Variants in DCBLD2 observed in about 807,000 individuals in gnomAD.
DCBLD2 encodes discoidin, CUB and LCCL domain containing 2.
In DCBLD2, 54 loss-of-function variants were observed where a neutral mutation model predicts 86.8. That is an observed-to-expected ratio of 0.62 (90% CI 0.50 to 0.78). The LOEUF is 0.78. Among genes scored for constraint, DCBLD2 ranks in the 30% least tolerant of loss-of-function variants. The pLI is 0.00. For synonymous variants in DCBLD2, 354 were observed against 341.3 expected (o/e 1.04, Z -0.41); for missense variants, 908 against 954.2 (o/e 0.95, Z 0.64).
chr3:98,833,871 C>T (rs1221575022), intron 3 of DCBLD2, among the ~76,000 whole-genome samples: 1 of 152,224 alleles, frequency 6.6e-6, no homozygotes, highest in Non-Finnish European at 1.5e-5. Flanking sequence ...CTGCTACTGG[C>T]TCCAAAGTCC....
intron 1 of DCBLD2, among the ~76,000 whole-genome samples, chr3:98,894,922 G>A (rs188932763): frequency 1.3e-5 from 2 of 152,252 alleles, no homozygotes; most frequent in East Asian, 3.9e-4. Context: ...AGTGTGGAAT[G>A]TATTATCCGG....
chr3:98,836,614 C>T (rs1462972092), intron 3 of DCBLD2, among the ~76,000 whole-genome samples: 3 of 143,728 alleles, frequency 2.1e-5, no homozygotes, highest in Non-Finnish European at 3.1e-5. Context: ...TTGGGCACAC[C>T]TCCCAGACGG....
intron 2 of DCBLD2, among the ~76,000 whole-genome samples, chr3:98,863,536 C>T (rs370326835): frequency 1.3e-5 from 2 of 152,262 alleles, no homozygotes; most frequent in East Asian, 3.9e-4. Context: ...TGGAACAGAA[C>T]AGAGCCCTCA....
At chr3:98,890,220 A>T (rs1342374479) in intron 1 of DCBLD2, among the ~76,000 whole-genome samples, 1 of 152,066 alleles carries the variant, frequency 6.6e-6, no homozygotes, top group Non-Finnish European at 1.5e-5. Context: ...TTCTGGAGTT[A>T]GGGTGGGCCC....
intron 3 of DCBLD2, among the ~76,000 whole-genome samples, chr3:98,839,180 C>CTTTTCT (rs1446480092): frequency 7.1e-5 from 2 of 28,192 alleles, no homozygotes; most frequent in African/African-American, 4.4e-4. Context: ...TCCTTTCTTT[C>CTTTTCT]TTCCTTCCTT....
intron 8 of DCBLD2, 121 bp from the exon 9 acceptor site, chr3:98,818,014 A>G (rs1257652645): frequency 2.4e-6 from 3 of 1,246,550 alleles, no homozygotes; most frequent in Non-Finnish European, 3.3e-6. Context: ...GCTCATTTCC[A>G]TATCCAAGTG....
intron 2 of DCBLD2, among the ~76,000 whole-genome samples, chr3:98,880,975 G>C (rs1285426708): frequency 6.6e-6 from 1 of 152,138 alleles, no homozygotes; most frequent in Non-Finnish European, 1.5e-5. Context: ...TGGGTGCAGT[G>C]GTTTACGCCT....
chr3:98,817,093 A>G (rs1942035838), intron 9 of DCBLD2, among the ~76,000 whole-genome samples: 1 of 152,312 alleles, frequency 6.6e-6, no homozygotes, highest in South Asian at 2.1e-4. Context: ...GATGGGAGAC[A>G]TCTATCTTCC....
At chr3:98,850,355 C>T (rs76728260) in intron 2 of DCBLD2, among the ~76,000 whole-genome samples, 2,539 of 152,160 alleles carry the variant, frequency 0.017, 57 homozygotes, top group African/African-American at 0.057. Context: ...ATAAATAAAT[C>T]ACAAAAAAAT....
chr3:98,821,622 A>G (rs1942119103), intron 6 of DCBLD2, among the ~76,000 whole-genome samples: 1 of 151,874 alleles, frequency 6.6e-6, no homozygotes, highest in Non-Finnish European at 1.5e-5. Context: ...TTGGCAACAA[A>G]CTTCTAGACT....
At chr3:98,817,059 G>A (rs1942034938) in intron 9 of DCBLD2, among the ~76,000 whole-genome samples, 1 of 152,136 alleles carries the variant, frequency 6.6e-6, no homozygotes, top group Non-Finnish European at 1.5e-5. Context: ...GAGCCATCAT[G>A]CCCAGCCCCA....
intron 2 of DCBLD2, among the ~76,000 whole-genome samples, chr3:98,874,785 C>T (rs569421740): frequency 9.2e-5 from 14 of 152,334 alleles, no homozygotes; most frequent in African/African-American, 3.4e-4. Flanking sequence ...CCTCATCCCT[C>T]CAACCTCGTC....
chr3:98,860,037 A>G (rs1943011517), intron 2 of DCBLD2, among the ~76,000 whole-genome samples: 1 of 152,252 alleles, frequency 6.6e-6, no homozygotes, highest in Non-Finnish European at 1.5e-5. Context: ...AAATGACCTG[A>G]TAGAGCTGAA....
At chr3:98,873,194 G>A (rs929073362) in intron 2 of DCBLD2, among the ~76,000 whole-genome samples, 7 of 151,926 alleles carry the variant, frequency 4.6e-5, no homozygotes, top group African/African-American at 9.7e-5. Flanking sequence ...ATATCTAGTC[G>A]ACACAGCACA....
intron 2 of DCBLD2, among the ~76,000 whole-genome samples, chr3:98,863,186 A>G (rs1323111125): frequency 2.0e-5 from 3 of 152,132 alleles, no homozygotes; most frequent in African/African-American, 4.8e-5. Context: ...ACCTCTTCAA[A>G]GAGAACTACA....
In DCBLD2 at chr3:98,799,602, T is replaced by C; in HGVS notation, c.2098A>G (p.Thr700Ala). ...GGTTGGTTCCCCGTAGCCTTGAAAG[T>C]GGATGTGGAGGGCTGACCAACTGAA... ...TTSVGQPSTSTFKATGNQPPP... is the reference protein window; with the variant it reads ...TTSVGQPSTSAFKATGNQPPP... The change falls in exon 16 of 16, where the codon ACT becomes GCT. Residue 700 changes from threonine (T) to alanine (A), a missense_variant. Thr to Ala is a moderately conservative substitution (Grantham distance 58). Transcript: ENST00000326840. 1.9e-6 allele frequency: 3 copies of C among 1,613,976 alleles called. No individual in the cohort carries two copies. Among genetic ancestry groups the C allele is most frequent in the South Asian group, 2.2e-5 (2 of 91,082 alleles).
chr3:98,801,260 T>C, intron 14 of DCBLD2: 1 of 296,046 alleles, frequency 3.4e-6, no homozygotes, highest in Non-Finnish European at 6.2e-6. Context: ...CACTGTGTCC[T>C]GGAGACCACA....
At chr3:98,809,907 T>C (rs1331243148) in intron 12 of DCBLD2, among the ~76,000 whole-genome samples, 1 of 152,142 alleles carries the variant, frequency 6.6e-6, no homozygotes, top group Non-Finnish European at 1.5e-5. Context: ...TTCCATAAGA[T>C]TAGTGAGACA....
intron 2 of DCBLD2, among the ~76,000 whole-genome samples, chr3:98,875,704 T>C (rs150634853): frequency 1.6e-3 from 251 of 152,298 alleles, no homozygotes; most frequent in Admixed American, 6.5e-3. Context: ...GGTATGTGGA[T>C]AGATACATCT....
Sources: allele counts gnomAD v4.1 joint callset (sites outside exome capture counted in the v4.1 genomes callset), GRCh38; gene constraint gnomAD v4.1.1; transcripts MANE v1.5; gene names NCBI Gene and HGNC (gene_info 2026-07-23, HGNC 2026-07-21).